GALNT18: variants seen among roughly 807,000 people sequenced by gnomAD.
The protein encoded by GALNT18 is GalNAc-transferase 18.
In GALNT18, 44 loss-of-function variants were observed where a neutral mutation model predicts 69.5. The observed-to-expected ratio is 0.63, with a 90% CI of 0.50 to 0.81. The LOEUF is 0.81. Ranked by LOEUF, GALNT18 falls within the 40% of genes least tolerant of loss-of-function variation. GALNT18 has a pLI of 0.00. For synonymous variants in GALNT18, 364 were observed against 318.2 expected, an observed-to-expected ratio of 1.14 and a Z score of -1.53; for missense variants, 715 against 810.0, an observed-to-expected ratio of 0.88 and a Z score of 1.42.
chr11:11,381,682 C>T (rs1853923051), intron 3 of GALNT18, among the ~76,000 whole-genome samples: 2 of 152,160 alleles, frequency 1.3e-5, no homozygotes, highest in African/African-American at 4.8e-5. Flanking sequence ...TCTAGGCAGC[C>T]TCTTCCCCAG....
At chr11:11,295,806 C>T (rs11021763) in intron 9 of GALNT18, among the ~76,000 whole-genome samples, 121,460 of 152,114 alleles carry the variant, frequency 0.8, 49,306 homozygotes, top group Non-Finnish European at 0.89. Context: ...GTGAAGGATT[C>T]ACTGTGACCA....
intron 1 of GALNT18, among the ~76,000 whole-genome samples, chr11:11,491,056 G>C (rs1198893184): frequency 1.3e-5 from 2 of 152,156 alleles, no homozygotes. Flanking sequence ...TCTAGGTCTA[G>C]CAAGTGTCCA....
chr11:11,353,191 T>C (rs1850455462), intron 6 of GALNT18: 2 of 1,594,334 alleles, frequency 1.3e-6, no homozygotes, highest in African/African-American at 1.3e-5. Context: ...CAGAAGCAGC[T>C]TGGGGGTAAG....
chr11:11,363,587 T>C (rs1850690725), intron 6 of GALNT18, among the ~76,000 whole-genome samples: 2 of 152,186 alleles, frequency 1.3e-5, no homozygotes, highest in Non-Finnish European at 2.9e-5. Context: ...GAAATATGGA[T>C]GTAAAATTGA....
At chr11:11,488,854 T>A (rs1364571319) in intron 1 of GALNT18, among the ~76,000 whole-genome samples, 1 of 152,200 alleles carries the variant, frequency 6.6e-6, no homozygotes, top group South Asian at 2.1e-4. Flanking sequence ...GGTCCAAAGA[T>A]GGCCCACCTG....
At chr11:11,346,212 T>G (rs1850300929) in intron 6 of GALNT18, among the ~76,000 whole-genome samples, 1 of 152,240 alleles carries the variant, frequency 6.6e-6, no homozygotes, top group South Asian at 2.1e-4. Flanking sequence ...TCTGTCTCCC[T>G]TCACTGGACT....
At position 11,413,886 on chromosome 11, in the gene GALNT18, C is replaced by A. The variant is rs1164589525; in HGVS notation, c.595+18735G>T. ...TATCCAAATGCCCCCTAAAGATCGT[C>A]CCTCAGCTGTTTCACAGGCAGGTCA... is the stretch of plus-strand genomic sequence containing the variant. On this transcript the variant is annotated intron_variant, in intron 3 of 10. Transcript: ENST00000227756. The surrounding 1 kb of genome is among the most constrained non-coding windows in gnomAD (Gnocchi z 4.7). Among the ~76,000 whole-genome samples, 2 of 152,240 alleles carry A rather than the reference C, an allele frequency of 1.3e-5. No homozygotes were observed. Among genetic ancestry groups the A allele is most frequent in the Non-Finnish European group, 2.9e-5 (2 of 68,046 alleles).
At chr11:11,323,508 T>C (rs1014910337) in intron 9 of GALNT18, among the ~76,000 whole-genome samples, 1 of 152,230 alleles carries the variant, frequency 6.6e-6, no homozygotes, top group African/African-American at 2.4e-5. Flanking sequence ...CCAGGTCCAC[T>C]GGGGTGCCAG....
At position 11,413,445 on chromosome 11, in the gene GALNT18, G is replaced by A. The variant is rs766415911; in HGVS notation, c.595+19176C>T. Among the ~76,000 whole-genome samples the A allele has an allele frequency of 9.2e-5, 14 of 152,262 alleles. No individual in the cohort carries two copies. Among genetic ancestry groups the A allele is most frequent in the East Asian group, 3.9e-4 (2 of 5,180 alleles). Reference sequence around the variant, plus strand: ...TTAATCAGGGATTTGATCATCCTACGGACGATTCCTTATTCACGTTCATTC... The same window carrying A: ...TTAATCAGGGATTTGATCATCCTACAGACGATTCCTTATTCACGTTCATTC... On this transcript the variant is annotated intron_variant, in intron 3 of 10. Coordinates refer to ENST00000227756, the MANE Select transcript of GALNT18 (RefSeq NM_198516.3). This position sits in a 1 kb window ranked among gnomAD's most constrained non-coding sequence, Gnocchi z 4.7.
chr11:11,393,187 GC>G, intron 3 of GALNT18, among the ~76,000 whole-genome samples: 1 of 152,276 alleles, frequency 6.6e-6, no homozygotes. Context: ...GGCCAGCACT[GC>G]CCCCCAGGAC....
intron 1 of GALNT18, among the ~76,000 whole-genome samples, chr11:11,571,151 G>GA (rs1428875222): frequency 9.9e-5 from 15 of 152,106 alleles, no homozygotes; most frequent in Admixed American, 8.5e-4. Flanking sequence ...TTTTACAGAT[G>GA]AAAAAAATCA....
chr11:11,556,893 A>G (rs1380805876), intron 1 of GALNT18, among the ~76,000 whole-genome samples: 1 of 152,218 alleles, frequency 6.6e-6, no homozygotes, highest in African/African-American at 2.4e-5. Context: ...CTATTACTAG[A>G]AAATCCATTT....
intron 3 of GALNT18, among the ~76,000 whole-genome samples, chr11:11,403,335 T>G (rs1358485309): frequency 1.3e-5 from 2 of 152,192 alleles, no homozygotes; most frequent in African/African-American, 4.8e-5. Flanking sequence ...TCCTGTTGAA[T>G]GGCTGTGGGT....
At chr11:11,428,918 C>T (rs1046865804) in intron 3 of GALNT18, among the ~76,000 whole-genome samples, 1 of 152,102 alleles carries the variant, frequency 6.6e-6, no homozygotes, top group Admixed American at 6.5e-5. Flanking sequence ...GTGTGTCATC[C>T]TGGGTCATGA....
chr11:11,531,316 T>C lies in GALNT18; in HGVS notation c.236-82380A>G, dbSNP rs557384787. ...AGGAACCCTGCTAGCATTGCAGACATGTGGGAGGGGCTTGGAAGTCTTGCC... is the reference window on the plus strand; with the variant it reads ...AGGAACCCTGCTAGCATTGCAGACACGTGGGAGGGGCTTGGAAGTCTTGCC... On this transcript the variant is annotated intron_variant, in intron 1 of 10. Coordinates refer to ENST00000227756, the MANE Select transcript of GALNT18 (RefSeq NM_198516.3). Among the ~76,000 whole-genome samples, 5 of 152,298 alleles carry C rather than the reference T, an allele frequency of 3.3e-5. No homozygotes were observed. In the East Asian group the frequency reaches 9.7e-4, roughly 29 times the overall value.
rs931693131 is a variant in GALNT18 at position 11,564,181 on chromosome 11, C to A, written c.235+57178G>T. 1.3e-5 allele frequency among the ~76,000 whole-genome samples: 2 copies of A among 152,224 alleles called. No homozygotes were observed. Among genetic ancestry groups the A allele is most frequent in the Non-Finnish European group, 2.9e-5 (2 of 68,044 alleles). Reference sequence around the variant, plus strand: ...TTCCCAAGGCCAGAGAGTTTATAAGCTTCCACGCTAGAACGTGTGACTGCA... The same window carrying A: ...TTCCCAAGGCCAGAGAGTTTATAAGATTCCACGCTAGAACGTGTGACTGCA... On this transcript the variant is annotated intron_variant, in intron 1 of 10. Coordinates refer to ENST00000227756, the MANE Select transcript of GALNT18 (RefSeq NM_198516.3). This position sits in a 1 kb window ranked among gnomAD's most constrained non-coding sequence, Gnocchi z 4.3.
Position 11,595,441 on chromosome 11 carries a change from G to A in GALNT18, c.235+25918C>T, listed in dbSNP as rs901800755. On this transcript the variant is annotated intron_variant, in intron 1 of 10. Coordinates refer to ENST00000227756, the MANE Select transcript of GALNT18 (RefSeq NM_198516.3). This position sits in a 1 kb window ranked among gnomAD's most constrained non-coding sequence, Gnocchi z 5.2. ...CTTGGACTTCTCACCCTCCAAAACT[G>A]TGAGAAATTTCTGTCGTTTAAAAGC... 1.3e-5 allele frequency among the ~76,000 whole-genome samples: 2 copies of A among 152,124 alleles called. No homozygotes were observed. Among genetic ancestry groups the A allele is most frequent in the African/African-American group, 4.8e-5 (2 of 41,428 alleles).
At position 11,454,753 on chromosome 11, in the gene GALNT18, G is replaced by A. The variant is rs1040961568; in HGVS notation, c.236-5817C>T. Among the ~76,000 whole-genome samples the A allele has an allele frequency of 6.6e-6, 1 of 151,768 alleles. No individual in the cohort carries two copies. The highest frequency in any genetic ancestry group is 2.4e-5 in the African/African-American group (1 of 41,268). On this transcript the variant is annotated intron_variant, in intron 1 of 10. Transcript: ENST00000227756. This position sits in a 1 kb window ranked among gnomAD's most constrained non-coding sequence, Gnocchi z 4.2. The stretch of plus-strand genomic sequence containing the variant: ...CTTCCTTCCTTGAAACCCAGCCTGC[G>A]GTGTCCTCAAAGCTCTGGCAGACAC...
chr11:11,460,238 A>C (rs1374834244), intron 1 of GALNT18, among the ~76,000 whole-genome samples: 4 of 152,260 alleles, frequency 2.6e-5, no homozygotes, highest in South Asian at 4.1e-4. Flanking sequence ...GGATGTGTAC[A>C]TCTTTGAGGG....
Sources: gnomAD v4.1 joint callset for allele counts (sites outside exome capture counted in the v4.1 genomes callset) on GRCh38, gnomAD v4.1.1 for gene constraint, Gnocchi (gnomAD v3.1) non-coding constraint, MANE v1.5 for transcripts, NCBI Gene and HGNC (gene_info 2026-07-23, HGNC 2026-07-21) for gene names.